The following PRR16 variants were observed in gnomAD, a reference collection of about 807,000 sequenced individuals.
The protein encoded by PRR16 is proline rich 16, also known as protein Largen.
PRR16 carries 6 observed loss-of-function variants against 18.2 expected under a neutral mutation model. That is an observed-to-expected ratio of 0.33 (90% CI 0.18 to 0.65). PRR16 has a LOEUF of 0.65. Ranked by LOEUF, PRR16 falls within the 30% of genes least tolerant of loss-of-function variation. The pLI is 0.74. For missense variants in PRR16, 412 were observed against 376.6 expected, an observed-to-expected ratio of 1.09 and a Z score of -0.78; for synonymous variants, 151 against 147.8, an observed-to-expected ratio of 1.02 and a Z score of -0.16.
At chr5:120,716,770 G>A in the PRR16 span, among the ~76,000 whole-genome samples, 1 of 152,156 alleles carries the variant, frequency 6.6e-6, no homozygotes, top group Non-Finnish European at 1.5e-5. Flanking sequence ...TACTCAGGAG[G>A]CTAAAGCAGG....
intron 1 of PRR16, among the ~76,000 whole-genome samples, chr5:120,483,943 G>A (rs1260549267): frequency 1.3e-5 from 2 of 151,922 alleles, no homozygotes; most frequent in South Asian, 2.1e-4. Flanking sequence ...AATTGGCACA[G>A]AACATTAACA....
the PRR16 span, among the ~76,000 whole-genome samples, chr5:120,693,112 T>C: frequency 6.6e-6 from 1 of 152,194 alleles, no homozygotes; most frequent in African/African-American, 2.4e-5. Context: ...TGATGTAAAT[T>C]ATGATATATG....
At chr5:120,607,704 GA>G (rs573636565) in intron 1 of PRR16, among the ~76,000 whole-genome samples, 1 of 150,984 alleles carries the variant, frequency 6.6e-6, no homozygotes, top group Non-Finnish European at 1.5e-5. Flanking sequence ...TTACTAACTT[GA>G]AAAAAAAATC....
At chr5:120,513,757 GTTTTCTTTTTT>G (rs1339070290) in intron 1 of PRR16, among the ~76,000 whole-genome samples, 1 of 146,836 alleles carries the variant, frequency 6.8e-6, no homozygotes, top group Non-Finnish European at 1.5e-5. Flanking sequence ...GATCCCATCT[GTTTTCTTTTTT>G]TTTTTTTTGA....
chr5:120,593,377 A>G (rs1038436001), intron 1 of PRR16, among the ~76,000 whole-genome samples: 6 of 152,088 alleles, frequency 3.9e-5, no homozygotes, highest in African/African-American at 9.7e-5. Flanking sequence ...GAATACCTCT[A>G]TGTACACAAA....
At chr5:120,670,886 A>T (rs1156307586) in intron 1 of PRR16, among the ~76,000 whole-genome samples, 1 of 152,154 alleles carries the variant, frequency 6.6e-6, no homozygotes, top group African/African-American at 2.4e-5. Flanking sequence ...AGATTTGCTT[A>T]TGACAAGAAT....
At chr5:120,763,411 G>T in the PRR16 span, among the ~76,000 whole-genome samples, 1 of 152,042 alleles carries the variant, frequency 6.6e-6, no homozygotes, top group East Asian at 1.9e-4. Flanking sequence ...TGGGCTTATA[G>T]GTGTGAGCCA....
At chr5:120,476,568 G>T (rs1351991740) in intron 1 of PRR16, among the ~76,000 whole-genome samples, 2 of 152,046 alleles carry the variant, frequency 1.3e-5, no homozygotes, top group South Asian at 2.1e-4. Flanking sequence ...AAATTCAATT[G>T]CATGTAATAC....
At chr5:120,518,880 G>T (rs945438613) in intron 1 of PRR16, among the ~76,000 whole-genome samples, 1 of 152,090 alleles carries the variant, frequency 6.6e-6, no homozygotes, top group South Asian at 2.1e-4. Flanking sequence ...GAGTCATCTT[G>T]AACTGTGAGA....
chr5:120,521,348 A>G (rs6893025), intron 1 of PRR16, among the ~76,000 whole-genome samples: 2,182 of 152,146 alleles, frequency 0.014, 49 homozygotes, highest in African/African-American at 0.047. Flanking sequence ...TTTTAATCCT[A>G]TAGATTTTTT....
intron 1 of PRR16, among the ~76,000 whole-genome samples, chr5:120,508,349 G>A (rs1381628793): frequency 6.6e-6 from 1 of 152,110 alleles, no homozygotes; most frequent in African/African-American, 2.4e-5. Context: ...AACTCTGTGT[G>A]CTGAAAACAG....
At chr5:120,634,400 T>G (rs750000415) in intron 1 of PRR16, among the ~76,000 whole-genome samples, 3 of 152,146 alleles carry the variant, frequency 2.0e-5, no homozygotes, top group Non-Finnish European at 4.4e-5. Context: ...TCCCAGCACT[T>G]TGGGAGGCCA....
At chr5:120,768,570 G>T in the PRR16 span, among the ~76,000 whole-genome samples, 1 of 151,548 alleles carries the variant, frequency 6.6e-6, no homozygotes, top group East Asian at 1.9e-4. Context: ...CAATAAGTAT[G>T]GGGAGAATAA....
At chr5:120,747,477 T>G in the PRR16 span, among the ~76,000 whole-genome samples, 1 of 152,302 alleles carries the variant, frequency 6.6e-6, no homozygotes, top group African/African-American at 2.4e-5. Flanking sequence ...TAGAAAATGC[T>G]TCAGTCTCCA....
chr5:120,557,211 T>C (rs10077688), intron 1 of PRR16, among the ~76,000 whole-genome samples: 29,156 of 151,736 alleles, frequency 0.19, 2,970 homozygotes, highest in Non-Finnish European at 0.21. Flanking sequence ...ATATCTGTCT[T>C]TTCTGAGGTA....
chr5:120,772,369 T>G, the PRR16 span, among the ~76,000 whole-genome samples: 1 of 152,142 alleles, frequency 6.6e-6, no homozygotes, highest in African/African-American at 2.4e-5. Flanking sequence ...CTTTAATCTC[T>G]TTTGTTTACT....
At position 120,662,825 on chromosome 5, in the gene PRR16, C is replaced by G. The variant is rs1316124294; in HGVS notation, c.160-23129C>G. On this transcript the variant is annotated intron_variant, in intron 1 of 1. Coordinates refer to ENST00000407149, the MANE Select transcript of PRR16 (RefSeq NM_001300783.2). Reference sequence around the variant, plus strand: ...TTTCATTCCAGACACAGTCCTATAGCTTGAAGGCCTGGGGACCTTGGGGGC... The same window carrying G: ...TTTCATTCCAGACACAGTCCTATAGGTTGAAGGCCTGGGGACCTTGGGGGC... Among the ~76,000 whole-genome samples, 4 of 152,058 alleles carry G rather than the reference C, an allele frequency of 2.6e-5. No individual in the cohort carries two copies. The East Asian group carries it at 7.7e-4, about 29-fold the overall frequency.
At chr5:120,760,687 T>G in the PRR16 span, among the ~76,000 whole-genome samples, 1 of 152,144 alleles carries the variant, frequency 6.6e-6, no homozygotes, top group African/African-American at 2.4e-5. Flanking sequence ...GACCTTTGTG[T>G]AGAATAAGCT....
chr5:120,563,010 T>A (rs1752623528), intron 1 of PRR16, among the ~76,000 whole-genome samples: 1 of 152,234 alleles, frequency 6.6e-6, no homozygotes, highest in Non-Finnish European at 1.5e-5. Flanking sequence ...GCTATTAACA[T>A]CCCTTTCTTT....
Sources: allele counts gnomAD v4.1 joint callset (sites outside exome capture counted in the v4.1 genomes callset), GRCh38; gene constraint gnomAD v4.1.1; transcripts MANE v1.5; gene names NCBI Gene and HGNC (gene_info 2026-07-23, HGNC 2026-07-21).